Variants in C14orf132 observed in about 807,000 individuals in gnomAD.
The protein encoded by C14orf132 is uncharacterized protein C14orf132.
C14orf132 carries 6 observed loss-of-function variants against 5.8 expected under a neutral mutation model. The ratio of observed to expected loss-of-function variants is 1.03; its 90% confidence interval spans 0.57 to 2.04. The LOEUF (loss-of-function observed/expected upper bound fraction) is 2.04. Among genes scored for constraint, C14orf132 ranks in the 30% most tolerant of loss-of-function variants. C14orf132 has a pLI of 0.00. For missense variants in C14orf132, 125 were observed against 115.8 expected, an observed-to-expected ratio of 1.08 and a Z score of -0.37; for synonymous variants, 51 against 49.8, an observed-to-expected ratio of 1.02 and a Z score of -0.10.
chr14:96,046,185 A>T (rs1202472164), intron 1 of C14orf132, among the ~76,000 whole-genome samples: 1 of 152,182 alleles, frequency 6.6e-6, no homozygotes, highest in Non-Finnish European at 1.5e-5. Context: ...TAGTCAAGAA[A>T]GTCTCCAGGC....
intron 1 of C14orf132, among the ~76,000 whole-genome samples, chr14:96,045,656 C>G (rs1229015370): frequency 7.9e-5 from 12 of 152,202 alleles, no homozygotes; most frequent in Admixed American, 7.9e-4. Flanking sequence ...AAAGCTGAAA[C>G]TTTGATTTTC....
At chr14:96,049,762 AT>A (rs775639023) in intron 1 of C14orf132, among the ~76,000 whole-genome samples, 13,497 of 122,470 alleles carry the variant, frequency 0.11, 728 homozygotes, top group Non-Finnish European at 0.15. Context: ...TAGTCTCTTC[AT>A]TTTTTTTTTT....
In C14orf132 at chr14:96,086,819, T is replaced by C; in HGVS notation, c.*84T>C. ...TCGGCCTTTGGCTTCTCCTGTGTTC[T>C]AGAACCAGGAGTTTTGACCAGGGGC... On this transcript the variant is annotated 3_prime_UTR_variant, in exon 2 of 2. Transcript: ENST00000555004. The C allele has an allele frequency of 2.9e-6, 4 of 1,363,358 alleles. No homozygotes were observed. The highest frequency in any genetic ancestry group is 4.0e-6 in the Non-Finnish European group (4 of 1,009,144). The allele number at this position is 1,363,358 out of a possible 1,614,324, so 84.5% of individuals were successfully genotyped here.
chr14:96,045,560 C>A (rs78431305), intron 1 of C14orf132, among the ~76,000 whole-genome samples: 1,856 of 152,330 alleles, frequency 0.012, 37 homozygotes, highest in African/African-American at 0.042. Flanking sequence ...CCAGCCTGGC[C>A]TGGATGGGGC....
At chr14:96,059,205 A>C (rs1887271924) in intron 1 of C14orf132, among the ~76,000 whole-genome samples, 1 of 152,198 alleles carries the variant, frequency 6.6e-6, no homozygotes, top group Non-Finnish European at 1.5e-5. Context: ...GGATTGCTTG[A>C]GCCCAGGAGG....
chr14:96,060,041 C>T (rs766848277), intron 1 of C14orf132, among the ~76,000 whole-genome samples: 2 of 152,228 alleles, frequency 1.3e-5, no homozygotes, highest in Non-Finnish European at 2.9e-5. Flanking sequence ...CCCTCCCCTC[C>T]TTCAGTGCTG....
chr14:96,041,401 G>T (rs1162876751), intron 1 of C14orf132, among the ~76,000 whole-genome samples: 2 of 152,196 alleles, frequency 1.3e-5, no homozygotes, highest in Non-Finnish European at 2.9e-5. Context: ...TCACATCTGG[G>T]CCTGAGTATC....
At chr14:96,051,028 C>T (rs931256516) in intron 1 of C14orf132, 7 of 395,944 alleles carry the variant, frequency 1.8e-5, no homozygotes, top group Non-Finnish European at 2.7e-5. Flanking sequence ...TTACCCCTAC[C>T]TCCCAGCTAT....
chr14:96,070,158 C>T (rs905490225), intron 1 of C14orf132, among the ~76,000 whole-genome samples: 4 of 152,226 alleles, frequency 2.6e-5, no homozygotes, highest in Admixed American at 6.5e-5. Flanking sequence ...GCCTTGTGGA[C>T]AAATGAGGGT....
intron 1 of C14orf132, among the ~76,000 whole-genome samples, chr14:96,043,063 C>T (rs1886735406): frequency 6.6e-6 from 1 of 152,196 alleles, no homozygotes; most frequent in East Asian, 1.9e-4. Context: ...TGTCTCCCTC[C>T]TGGACATGCT....
intron 1 of C14orf132, among the ~76,000 whole-genome samples, chr14:96,049,575 T>TATAC (rs1479173451): frequency 8.5e-6 from 1 of 117,466 alleles, no homozygotes; most frequent in African/African-American, 2.9e-5. Flanking sequence ...TATATACATA[T>TATAC]ATACGTATAT....
At chr14:96,049,500 ATATATACG>A (rs1886937719) in intron 1 of C14orf132, among the ~76,000 whole-genome samples, 1 of 145,450 alleles carries the variant, frequency 6.9e-6, no homozygotes. Context: ...ATATATACGT[ATATATACG>A]TATATACGTA....
At chr14:96,078,443 C>T (rs1240330300) in intron 1 of C14orf132, among the ~76,000 whole-genome samples, 1 of 152,218 alleles carries the variant, frequency 6.6e-6, no homozygotes, top group East Asian at 1.9e-4. Context: ...CCCCAGTAAG[C>T]TCATGATGCC....
intron 1 of C14orf132, among the ~76,000 whole-genome samples, chr14:96,058,421 A>G (rs1887243675): frequency 1.3e-5 from 2 of 152,012 alleles, no homozygotes; most frequent in Admixed American, 1.3e-4. Context: ...ACATTGGCTT[A>G]TTTATACTTA....
At chr14:96,070,527 C>G (rs1160059519) in intron 1 of C14orf132, among the ~76,000 whole-genome samples, 2 of 151,894 alleles carry the variant, frequency 1.3e-5, no homozygotes, top group Admixed American at 1.3e-4. Flanking sequence ...TCCCAGGAAA[C>G]CCAGATTCTG....
rs1232493397 is a variant in C14orf132 at position 96,088,233 on chromosome 14, C to T, written c.*1498C>T. ...TTCTTGATGACAGGCAAAGGGACAT[C>T]TTAGTTGTCCAGAAGCGGCACTCTT... On this transcript the variant is annotated 3_prime_UTR_variant, in exon 2 of 2. Coordinates refer to ENST00000555004, the MANE Select transcript of C14orf132 (RefSeq NM_001252507.3). The T allele has an allele frequency of 6.6e-6, 1 of 152,156 alleles. No individual in the cohort carries two copies. The highest frequency in any genetic ancestry group is 2.4e-5 in the African/African-American group (1 of 41,444). 9.4% of individuals were successfully genotyped at this position (152,156 alleles called of 1,614,324 possible).
chr14:96,049,642 A>ATATATATACATATATACG (rs1566823934), intron 1 of C14orf132, among the ~76,000 whole-genome samples: 27 of 69,174 alleles, frequency 3.9e-4, no homozygotes, highest in East Asian at 8.7e-4. Context: ...ATATATACGT[A>ATATATATACATATATACG]TATATATATA....
intron 1 of C14orf132, among the ~76,000 whole-genome samples, chr14:96,043,621 G>A (rs1440303273): frequency 6.6e-6 from 1 of 152,064 alleles, no homozygotes; most frequent in Non-Finnish European, 1.5e-5. Flanking sequence ...TGGGAGCCAG[G>A]CACCAGCACT....
chr14:96,084,917 G>A (rs1413320230), intron 1 of C14orf132, among the ~76,000 whole-genome samples: 1 of 152,222 alleles, frequency 6.6e-6, no homozygotes, highest in Non-Finnish European at 1.5e-5. Flanking sequence ...TCCTTTAAGA[G>A]GAGGCCACTG....
Sources: gnomAD v4.1 joint callset for allele counts (sites outside exome capture counted in the v4.1 genomes callset) on GRCh38, gnomAD v4.1.1 for gene constraint, MANE v1.5 for transcripts, NCBI Gene and HGNC (gene_info 2026-07-23, HGNC 2026-07-21) for gene names.